The following USP31 variants were observed in gnomAD, a reference collection of about 807,000 sequenced individuals.
USP31 encodes ubiquitin carboxyl-terminal hydrolase 31.
Under a neutral mutation model 119.4 loss-of-function variants are expected in USP31, and 44 were observed. That is an observed-to-expected ratio of 0.37 (90% confidence interval 0.29 to 0.47). The LOEUF is 0.47. Ranked by LOEUF, USP31 falls within the 20% of genes least tolerant of loss-of-function variation. USP31 has a pLI of 0.99. For missense variants in USP31, 1,643 were observed against 1,730.2 expected, an observed-to-expected ratio of 0.95 and a Z score of 0.89; for synonymous variants, 749 against 705.6, an observed-to-expected ratio of 1.06 and a Z score of -0.97.
At position 23,075,957 on chromosome 16, in the gene USP31, G is replaced by A. The variant is rs888443542; in HGVS notation, c.2177-2077C>T. ...TTAAAAATTAGGCAAGTGTGGTGGC[G>A]CACACCTGTAGTCCCAGCTACTTGG... On this transcript the variant is annotated intron_variant, in intron 13 of 15. Coordinates refer to ENST00000219689, the MANE Select transcript of USP31 (RefSeq NM_020718.4). 5.3e-5 allele frequency among the ~76,000 whole-genome samples: 8 copies of A among 152,006 alleles called. No homozygotes were observed. The South Asian group carries it at 8.3e-4, about 16-fold the overall frequency.
chr16:23,116,121 G>A lies in USP31; in HGVS notation c.634-7938C>T, dbSNP rs534428467. On this transcript the variant is annotated intron_variant, in intron 1 of 15. Coordinates refer to ENST00000219689, the MANE Select transcript of USP31 (RefSeq NM_020718.4). ...TTTTGGGAAGAAGGGTAGCTTGCAA[G>A]ACTCATCAAACCCAATCATTGCCCA... is the stretch of plus-strand genomic sequence containing the variant. 2.0e-5 allele frequency among the ~76,000 whole-genome samples: 3 copies of A among 152,280 alleles called. No homozygotes were observed. In the South Asian group the frequency reaches 6.2e-4, roughly 32 times the overall value.
At chr16:23,129,217 G>A (rs1272895769) in intron 1 of USP31, among the ~76,000 whole-genome samples, 6 of 152,092 alleles carry the variant, frequency 3.9e-5, no homozygotes, top group Non-Finnish European at 7.4e-5. Context: ...ACTGCCAGAG[G>A]AAAAATAAAA....
rs559852664 is a variant in USP31, at chr16:23,072,281, C to T, written c.2336-84G>A. ...CACACACACCCTCATGAAGGTGTTACGAGCTGAGCTGGGGGGCGTTGATGT... is the reference window on the plus strand; with the variant it reads ...CACACACACCCTCATGAAGGTGTTATGAGCTGAGCTGGGGGGCGTTGATGT... On this transcript the variant is annotated intron_variant, in intron 14 of 15. Transcript: ENST00000219689. 2,129 of 1,531,254 alleles carry T rather than the reference C, an allele frequency of 1.4e-3. 2 individuals are homozygous for T. The highest frequency in any genetic ancestry group is 1.7e-3 in the Non-Finnish European group (1,943 of 1,139,574). 94.9% of individuals were successfully genotyped at this position (1,531,254 alleles called of 1,614,324 possible).
intron 1 of USP31, among the ~76,000 whole-genome samples, chr16:23,133,250 C>G (rs1903083531): frequency 2.0e-5 from 3 of 152,158 alleles, no homozygotes. Flanking sequence ...CAAGTGAGGT[C>G]TGACCCAAGC....
At chr16:23,107,232 C>G (rs1427775630) in intron 2 of USP31, among the ~76,000 whole-genome samples, 1 of 152,148 alleles carries the variant, frequency 6.6e-6, no homozygotes. Flanking sequence ...CTTTTCATGT[C>G]CCTCCGCCTA....
At chr16:23,142,149 T>C (rs1439841092) in intron 1 of USP31, among the ~76,000 whole-genome samples, 1 of 152,246 alleles carries the variant, frequency 6.6e-6, no homozygotes, top group Non-Finnish European at 1.5e-5. Flanking sequence ...AGTTCATAAT[T>C]ATCCCATGTA....
intron 6 of USP31, among the ~76,000 whole-genome samples, chr16:23,098,073 C>T (rs967075673): frequency 1.3e-5 from 2 of 152,158 alleles, no homozygotes; most frequent in East Asian, 1.9e-4. Context: ...TCTAGAAAAC[C>T]CCATCGTCTC....
chr16:23,072,388 T>C, intron 14 of USP31, 191 bp from the exon 15 acceptor site: 1 of 721,002 alleles, frequency 1.4e-6, no homozygotes, highest in South Asian at 1.7e-5. Flanking sequence ...GATGAAAAGA[T>C]GTAAGGCAGA....
At chr16:23,085,270 A>G (rs1901056903) in intron 10 of USP31, among the ~76,000 whole-genome samples, 1 of 152,236 alleles carries the variant, frequency 6.6e-6, no homozygotes, top group Non-Finnish European at 1.5e-5. Flanking sequence ...ATCTAAGAAC[A>G]TGCATCTGAC....
intron 12 of USP31, among the ~76,000 whole-genome samples, chr16:23,080,381 T>A (rs974833685): frequency 6.6e-6 from 1 of 152,048 alleles, no homozygotes; most frequent in African/African-American, 2.4e-5. Context: ...CCAGTAAGGA[T>A]CCATATAGAG....
chr16:23,063,177 C>T lies in USP31; in HGVS notation c.*4869G>A, dbSNP rs531564163. 6 of 152,328 alleles carry T rather than the reference C, an allele frequency of 3.9e-5. No individual in the cohort carries two copies. Among genetic ancestry groups the T allele is most frequent in the Non-Finnish European group, 8.8e-5 (6 of 68,030 alleles). The allele number at this position is 152,328 out of a possible 1,614,324, so 9.4% of individuals were successfully genotyped here. On this transcript the variant is annotated 3_prime_UTR_variant, in exon 16 of 16. Transcript: ENST00000219689. ...GCTTAAAAGAATCTTGAGGAAAATA[C>T]ATGTGTGAGATTCAAAAAAGTCTCT...
At chr16:23,105,701 C>T in intron 4 of USP31, 125 bp from the exon 5 acceptor site, 1 of 1,132,074 alleles carries the variant, frequency 8.8e-7, no homozygotes, top group Non-Finnish European at 1.2e-6. Flanking sequence ...TACTCGGAAG[C>T]CCAAATGGAA....
rs1900099846 is a variant in USP31, at chr16:23,066,993, G to C, written c.*1053C>G. The C allele has an allele frequency of 6.6e-6, 1 of 152,204 alleles. No homozygotes were observed. Among genetic ancestry groups the C allele is most frequent in the Non-Finnish European group, 1.5e-5 (1 of 68,046 alleles). The allele number at this position is 152,204 out of a possible 1,614,324, so 9.4% of individuals were successfully genotyped here. On this transcript the variant is annotated 3_prime_UTR_variant, in exon 16 of 16. Transcript: ENST00000219689. ...AACATACCACCATTGGCTTTTGGCA[G>C]AAGGCAACTTCTTTCCTCTCCAAGC...
chr16:23,080,385 T>C (rs1444777733), intron 12 of USP31, among the ~76,000 whole-genome samples: 1 of 152,080 alleles, frequency 6.6e-6, no homozygotes, highest in East Asian at 1.9e-4. Flanking sequence ...TAAGGATCCA[T>C]ATAGAGGGGG....
In USP31 at chr16:23,067,821, T is replaced by TCTCG; in HGVS notation, c.*224_*225insCGAG. On this transcript the variant is annotated 3_prime_UTR_variant, in exon 16 of 16. Coordinates refer to ENST00000219689, the MANE Select transcript of USP31 (RefSeq NM_020718.4). The stretch of plus-strand genomic sequence containing the variant: ...ATTATTCCAGTTAGCTTGGTGTCAA[T>TCTCG]GTTTTGCCTATGGCTGTTATTTGGT... 2.1e-6 allele frequency: 1 copy of TCTCG among 486,826 alleles called. No individual in the cohort carries two copies. Among genetic ancestry groups the TCTCG allele is most frequent in the South Asian group, 3.7e-5 (1 of 26,944 alleles). 30.2% of individuals were successfully genotyped at this position (486,826 alleles called of 1,614,324 possible).
rs1489218153 is a variant in USP31, at chr16:23,061,789, TCAAGA to T, written c.*6252_*6256del. ...TGTACAGTGATGTGACATGCAGCTT[TCAAGA>T]CAACTACAGAAATTCCAGTGTAAAA... On this transcript the variant is annotated 3_prime_UTR_variant, in exon 16 of 16. Transcript: ENST00000219689. 1 of 152,554 alleles carries T rather than the reference TCAAGA, an allele frequency of 6.6e-6. No individual in the cohort carries two copies. The highest frequency in any genetic ancestry group is 1.5e-5 in the Non-Finnish European group (1 of 68,042). The allele number at this position is 152,554 out of a possible 1,614,324, so 9.5% of individuals were successfully genotyped here.
intron 1 of USP31, among the ~76,000 whole-genome samples, chr16:23,113,925 T>A (rs891504353): frequency 1.3e-4 from 19 of 151,966 alleles, no homozygotes; most frequent in Non-Finnish European, 2.5e-4. Context: ...GCCAACATGG[T>A]GAAACCCCAT....
intron 1 of USP31, among the ~76,000 whole-genome samples, chr16:23,132,636 G>C (rs1203778152): frequency 2.6e-5 from 4 of 152,166 alleles, no homozygotes; most frequent in Non-Finnish European, 5.9e-5. Context: ...GTTTAGACTA[G>C]ATCAGTTCCT....
At chr16:23,108,715 ATATTAAG>A (rs1358812982) in intron 1 of USP31, among the ~76,000 whole-genome samples, 3 of 152,228 alleles carry the variant, frequency 2.0e-5, no homozygotes, top group African/African-American at 4.8e-5. Context: ...ACATACCTAC[ATATTAAG>A]TATTATCTCT....
Sources: allele counts gnomAD v4.1 joint callset (sites outside exome capture counted in the v4.1 genomes callset), GRCh38; gene constraint gnomAD v4.1.1; transcripts MANE v1.5; gene names NCBI Gene and HGNC (gene_info 2026-07-23, HGNC 2026-07-21).